Variants in FABP7 observed in about 807,000 individuals in gnomAD.
The protein encoded by FABP7 is fatty acid-binding protein, brain.
In FABP7, 13 loss-of-function variants were observed where a neutral mutation model predicts 14.2. That is an observed-to-expected ratio of 0.91 (90% CI 0.59 to 1.45). The LOEUF (loss-of-function observed/expected upper bound fraction) is 1.45, where lower values mean the gene tolerates loss of function less well. Among genes scored for constraint, FABP7 ranks in the 40% most tolerant of loss-of-function variants. The probability of loss-of-function intolerance (pLI) is 0.00; values close to 1 mark genes in which losing one functional copy is unlikely to be tolerated. For missense variants in FABP7, 149 were observed against 157.6 expected, an observed-to-expected ratio of 0.95 and a Z score of 0.29; for synonymous variants, 49 against 51.4, an observed-to-expected ratio of 0.95 and a Z score of 0.20.
the FABP7 span, among the ~76,000 whole-genome samples, chr6:122,755,008 CTT>C: frequency 1.6e-4 from 24 of 148,544 alleles, no homozygotes; most frequent in East Asian, 2.0e-3. Context: ...CTAACAATCA[CTT>C]TTTTTTTTTT....
At chr6:122,775,681 C>A (rs998335580), upstream of FABP7, among the ~76,000 whole-genome samples, 1 of 140,820 alleles carries the variant, frequency 7.1e-6, no homozygotes. Context: ...AAGTTGAAAA[C>A]CTCTTCACAA....
upstream of FABP7, among the ~76,000 whole-genome samples, chr6:122,779,087 A>G (rs1407896962): frequency 6.6e-6 from 1 of 152,078 alleles, no homozygotes; most frequent in African/African-American, 2.4e-5. Flanking sequence ...AAAGGACCCA[A>G]ATTAGTGTGC....
the FABP7 span, among the ~76,000 whole-genome samples, chr6:122,762,967 G>A: frequency 6.6e-6 from 1 of 152,112 alleles, no homozygotes; most frequent in Admixed American, 6.6e-5. Flanking sequence ...ACTGCCCAAG[G>A]TAATTTCCAG....
the FABP7 span, among the ~76,000 whole-genome samples, chr6:122,765,097 A>T: frequency 1.3e-5 from 2 of 152,288 alleles, no homozygotes; most frequent in East Asian, 1.9e-4. Flanking sequence ...ATGGGAAAAA[A>T]ATGAGTCTCA....
intron 3 of FABP7, chr6:122,783,015 G>T: frequency 1.0e-6 from 1 of 985,332 alleles, no homozygotes; most frequent in Non-Finnish European, 1.2e-6. Flanking sequence ...GTTCAAAAAG[G>T]AAGACTAAAG....
chr6:122,770,643 C>G, the FABP7 span, among the ~76,000 whole-genome samples: 8 of 151,972 alleles, frequency 5.3e-5, no homozygotes, highest in African/African-American at 1.7e-4. Context: ...TCAGCCTTAC[C>G]CCCAGACTGC....
At chr6:122,750,534 G>A in the FABP7 span, among the ~76,000 whole-genome samples, 2 of 152,228 alleles carry the variant, frequency 1.3e-5, no homozygotes, top group Non-Finnish European at 2.9e-5. Context: ...TTGATATCTT[G>A]CTAGTTTTCA....
At chr6:122,760,359 A>T in the FABP7 span, among the ~76,000 whole-genome samples, 7 of 152,144 alleles carry the variant, frequency 4.6e-5, no homozygotes, top group African/African-American at 1.7e-4. Flanking sequence ...TAATATAACC[A>T]TTCCAGCTTC....
intron 3 of FABP7, chr6:122,782,333 C>G: frequency 2.0e-6 from 1 of 511,550 alleles, no homozygotes; most frequent in Non-Finnish European, 2.5e-6. Flanking sequence ...GTGTTGCCAT[C>G]CTTCTGCGGG....
chr6:122,770,121 G>A, the FABP7 span, among the ~76,000 whole-genome samples: 14 of 151,914 alleles, frequency 9.2e-5, no homozygotes, highest in South Asian at 2.1e-4. Flanking sequence ...TTTTTTTAAT[G>A]AGAATAAATA....
intron 3 of FABP7, chr6:122,781,758 T>TTTTG (rs1780793669): frequency 1.2e-6 from 1 of 803,862 alleles, no homozygotes; most frequent in Non-Finnish European, 1.5e-6. Flanking sequence ...TTTTTTTTTT[T>TTTTG]GAGATAAAGT....
the FABP7 span, among the ~76,000 whole-genome samples, chr6:122,764,209 T>C: frequency 6.6e-6 from 1 of 152,162 alleles, no homozygotes; most frequent in South Asian, 2.1e-4. Context: ...TATGCAGCTA[T>C]AGAAAAGGAT....
the FABP7 span, among the ~76,000 whole-genome samples, chr6:122,762,506 C>T: frequency 6.6e-6 from 1 of 152,202 alleles, no homozygotes; most frequent in Non-Finnish European, 1.5e-5. Flanking sequence ...TCTCTCACCA[C>T]TCCTATTCAA....
At chr6:122,771,207 G>C in the FABP7 span, among the ~76,000 whole-genome samples, 1 of 152,170 alleles carries the variant, frequency 6.6e-6, no homozygotes, top group Non-Finnish European at 1.5e-5. Context: ...TAGCAGGTCA[G>C]TTTATGCGGT....
At chr6:122,761,416 T>G in the FABP7 span, among the ~76,000 whole-genome samples, 1 of 152,184 alleles carries the variant, frequency 6.6e-6, no homozygotes, top group Non-Finnish European at 1.5e-5. Context: ...CCCTGTGTTT[T>G]GAAACTGGCC....
At chr6:122,770,418 A>G in the FABP7 span, among the ~76,000 whole-genome samples, 1 of 152,110 alleles carries the variant, frequency 6.6e-6, no homozygotes, top group Admixed American at 6.6e-5. Flanking sequence ...TAAGTCACAC[A>G]CCATTTCCAC....
the FABP7 span, among the ~76,000 whole-genome samples, chr6:122,754,237 T>G: frequency 2.0e-5 from 3 of 152,192 alleles, no homozygotes; most frequent in African/African-American, 7.2e-5. Flanking sequence ...TCTTTTTCAA[T>G]CCTAGATAAG....
At chr6:122,769,983 C>T in the FABP7 span, among the ~76,000 whole-genome samples, 1 of 152,012 alleles carries the variant, frequency 6.6e-6, no homozygotes, top group African/African-American at 2.4e-5. Flanking sequence ...ATTTCAATGG[C>T]CCGCTTGTAA....
chr6:122,773,672 T>C, the FABP7 span, among the ~76,000 whole-genome samples: 2 of 152,244 alleles, frequency 1.3e-5, no homozygotes, highest in Admixed American at 6.5e-5. Flanking sequence ...TAATTTTTGT[T>C]GCTGCATAAC....
Sources: allele counts gnomAD v4.1 joint callset (sites outside exome capture counted in the v4.1 genomes callset), GRCh38; gene constraint gnomAD v4.1.1; transcripts MANE v1.5; gene names NCBI Gene and HGNC (gene_info 2026-07-23, HGNC 2026-07-21).